KCNQ1OT1: variants seen among roughly 807,000 people sequenced by gnomAD.
KCNQ1OT1 encodes KCNQ1 antisense RNA 2 (non-protein coding).
exon 1 of KCNQ1OT1, chr11:2,635,563 C>G (rs1243606015): frequency 6.6e-6 from 1 of 152,130 alleles, no homozygotes; most frequent in Non-Finnish European, 1.5e-5. Flanking sequence ...GTACCAGTAC[C>G]ATGCTGTTTT....
rs1850480125 is a variant in KCNQ1OT1, at chr11:2,685,882, T to A, written n.14113A>T. ...CCCAGGACTCAGACCACAACTAGAC[T>A]AGGGAAGAACTTGTTCTCCACGGAT... On this transcript the variant is annotated non_coding_transcript_exon_variant, in exon 1 of 1. Coordinates refer to ENST00000597346, the Ensembl canonical transcript of KCNQ1OT1. 1.5e-5 allele frequency: 6 copies of A among 398,558 alleles called. No individual in the cohort carries two copies. The South Asian group carries it at 7.6e-4, about 51-fold the overall frequency. The allele number at this position is 398,558 out of a possible 1,614,324, so 24.7% of individuals were successfully genotyped here. A position where few individuals can be genotyped will look rare whatever the true frequency, so the allele number is the denominator to read the frequency against.
rs1850429895 is a variant in KCNQ1OT1, at chr11:2,683,326, C to G, written n.16669G>C. The G allele has an allele frequency of 2.5e-6, 1 of 398,470 alleles. No individual in the cohort carries two copies. Among genetic ancestry groups the G allele is most frequent in the Non-Finnish European group, 4.4e-6 (1 of 226,076 alleles). 24.7% of individuals were successfully genotyped at this position (398,470 alleles called of 1,614,324 possible). On this transcript the variant is annotated non_coding_transcript_exon_variant, in exon 1 of 1. Coordinates refer to ENST00000597346, the Ensembl canonical transcript of KCNQ1OT1. This position sits in a 1 kb window ranked among gnomAD's most constrained non-coding sequence, Gnocchi z 4.7. ...CCAGACACATAGAGGCCAGGTTTCC[C>G]CCGCTCAACACTAGGCCACTGTGCC...
At position 2,677,846 on chromosome 11, in the gene KCNQ1OT1, C is replaced by T; in HGVS notation, n.22149G>A. 2.5e-6 allele frequency: 1 copy of T among 398,490 alleles called. No individual in the cohort carries two copies. The highest frequency in any genetic ancestry group is 4.4e-6 in the Non-Finnish European group (1 of 226,028). The allele number at this position is 398,490 out of a possible 1,614,324, so 24.7% of individuals were successfully genotyped here. A position where few individuals can be genotyped will look rare whatever the true frequency, so the allele number is the denominator to read the frequency against. On this transcript the variant is annotated non_coding_transcript_exon_variant, in exon 1 of 1. Transcript: ENST00000597346. This position sits in a 1 kb window ranked among gnomAD's most constrained non-coding sequence, Gnocchi z 4.5. The stretch of plus-strand genomic sequence containing the variant: ...TAGATACTGCCAAATAAGGGCTGTA[C>T]CATTTACATCACTTTGACTGCACAA...
exon 1 of KCNQ1OT1, chr11:2,688,333 C>T (rs1850527685): frequency 5.0e-6 from 2 of 398,668 alleles, no homozygotes; most frequent in East Asian, 3.6e-5. Flanking sequence ...ACACAGCTTC[C>T]ATGGGGGTCT....
chr11:2,651,370 G>C lies in KCNQ1OT1; in HGVS notation n.48625C>G. 2.5e-6 allele frequency: 1 copy of C among 398,766 alleles called. No homozygotes were observed. The highest frequency in any genetic ancestry group is 4.4e-5 in the Admixed American group (1 of 22,744). 24.7% of individuals were successfully genotyped at this position (398,766 alleles called of 1,614,324 possible). A position where few individuals can be genotyped will look rare whatever the true frequency, so the allele number is the denominator to read the frequency against. ...GAGCTGGGGTATTTATCTTTCACTAGTGAGTGCTGCCCCGGTGGTGGCTCA... is the reference window on the plus strand; with the variant it reads ...GAGCTGGGGTATTTATCTTTCACTACTGAGTGCTGCCCCGGTGGTGGCTCA... On this transcript the variant is annotated non_coding_transcript_exon_variant, in exon 1 of 1. Coordinates refer to ENST00000597346, the Ensembl canonical transcript of KCNQ1OT1. The surrounding 1 kb of genome is among the most constrained non-coding windows in gnomAD (Gnocchi z 6.1).
In KCNQ1OT1 at chr11:2,695,693, C is replaced by G. The variant is rs549237737; in HGVS notation, n.4302G>C. The G allele has an allele frequency of 4.2e-4, 169 of 398,648 alleles. 1 individual carries two copies. The Middle Eastern group carries it at 5.7e-3, about 13-fold the overall frequency. The allele number at this position is 398,648 out of a possible 1,614,324, so 24.7% of individuals were successfully genotyped here. ...AGAAGTGTTGGCCAGCTCTTCAGAACGTCTGTGCCTGTCTCCGTCCCCACC... is the reference window on the plus strand; with the variant it reads ...AGAAGTGTTGGCCAGCTCTTCAGAAGGTCTGTGCCTGTCTCCGTCCCCACC... On this transcript the variant is annotated non_coding_transcript_exon_variant, in exon 1 of 1. Transcript: ENST00000597346. This position sits in a 1 kb window ranked among gnomAD's most constrained non-coding sequence, Gnocchi z 5.2.
At position 2,657,934 on chromosome 11, in the gene KCNQ1OT1, G is replaced by A. The variant is rs1309419948; in HGVS notation, n.42061C>T. On this transcript the variant is annotated non_coding_transcript_exon_variant, in exon 1 of 1. Transcript: ENST00000597346. This position sits in a 1 kb window ranked among gnomAD's most constrained non-coding sequence, Gnocchi z 4.8. ...CATGACATCAACATGGTTTATCACT[G>A]GTAATATTAACCTTGAGCCACTCGT... 1 of 398,438 alleles carries A rather than the reference G, an allele frequency of 2.5e-6. No homozygotes were observed. Among genetic ancestry groups the A allele is most frequent in the Admixed American group, 4.4e-5 (1 of 22,706 alleles). 24.7% of individuals were successfully genotyped at this position (398,438 alleles called of 1,614,324 possible).
chr11:2,634,089 G>A (rs940752675), exon 1 of KCNQ1OT1: 3 of 395,154 alleles, frequency 7.6e-6, no homozygotes, highest in Non-Finnish European at 1.3e-5. Context: ...TTCCATGCAA[G>A]TTTAAGGATT....
exon 1 of KCNQ1OT1, chr11:2,646,182 A>C: frequency 2.5e-6 from 1 of 398,588 alleles, no homozygotes; most frequent in Non-Finnish European, 4.4e-6. Flanking sequence ...AACTGTGGTT[A>C]CCTACTTGCT....
At position 2,621,145 on chromosome 11, in the gene KCNQ1OT1, T is replaced by A; in HGVS notation, n.78850A>T. 1 of 396,744 alleles carries A rather than the reference T, an allele frequency of 2.5e-6. No individual in the cohort carries two copies. The highest frequency in any genetic ancestry group is 4.4e-6 in the Non-Finnish European group (1 of 225,472). 24.6% of individuals were successfully genotyped at this position (396,744 alleles called of 1,614,324 possible). ...GGTGACCGCCACCATACCTGGCTAA[T>A]TTTTGTGTTTTTAGTAGAGACGGGG... On this transcript the variant is annotated non_coding_transcript_exon_variant, in exon 1 of 1. Transcript: ENST00000597346. This position sits in a 1 kb window ranked among gnomAD's most constrained non-coding sequence, Gnocchi z 5.7.
At chr11:2,634,073 T>C (rs1849408554) in exon 1 of KCNQ1OT1, 1 of 398,542 alleles carries the variant, frequency 2.5e-6, no homozygotes, top group African/African-American at 2.1e-5. Flanking sequence ...TTGTGGTCTT[T>C]TGTGGTTCCA....
In KCNQ1OT1 at chr11:2,695,161, G is replaced by A. The variant is rs1564860989; in HGVS notation, n.4834C>T. 3 of 398,614 alleles carry A rather than the reference G, an allele frequency of 7.5e-6. No individual in the cohort carries two copies. The highest frequency in any genetic ancestry group is 4.4e-6 in the Non-Finnish European group (1 of 226,098). The allele number at this position is 398,614 out of a possible 1,614,324, so 24.7% of individuals were successfully genotyped here. A position where few individuals can be genotyped will look rare whatever the true frequency, so the allele number is the denominator to read the frequency against. ...GTTGGTTCTTGGCTTTTGGGACTCT[G>A]CACAGAGTTGATCACAGCCCTCAGC... On this transcript the variant is annotated non_coding_transcript_exon_variant, in exon 1 of 1. Coordinates refer to ENST00000597346, the Ensembl canonical transcript of KCNQ1OT1. This position sits in a 1 kb window ranked among gnomAD's most constrained non-coding sequence, Gnocchi z 5.2.
exon 1 of KCNQ1OT1, chr11:2,632,699 A>G (rs2133818275): frequency 2.5e-6 from 1 of 398,310 alleles, no homozygotes; most frequent in East Asian, 3.6e-5. Flanking sequence ...TCTGTGCCTA[A>G]TTTCATTTAA....
exon 1 of KCNQ1OT1, chr11:2,660,063 T>C (rs896246793): frequency 1.3e-5 from 5 of 398,366 alleles, no homozygotes; most frequent in Non-Finnish European, 2.2e-5. Flanking sequence ...AATTTGTTGA[T>C]TCTTTTTCTC....
exon 1 of KCNQ1OT1, chr11:2,692,831 C>T: frequency 5.0e-6 from 2 of 398,648 alleles, no homozygotes; most frequent in Non-Finnish European, 8.8e-6. Flanking sequence ...AATGATCATT[C>T]CCCTGCCTGT....
At position 2,687,073 on chromosome 11, in the gene KCNQ1OT1, C is replaced by G. The variant is rs1044380280; in HGVS notation, n.12922G>C. On this transcript the variant is annotated non_coding_transcript_exon_variant, in exon 1 of 1. Coordinates refer to ENST00000597346, the Ensembl canonical transcript of KCNQ1OT1. The surrounding 1 kb of genome is among the most constrained non-coding windows in gnomAD (Gnocchi z 5.0). ...GGGGACAAGGACCCACAAAGTGATG[C>G]AAGATATCCTGAGTTGGGTGTGACA... 10 of 398,536 alleles carry G rather than the reference C, an allele frequency of 2.5e-5. No homozygotes were observed. The highest frequency in any genetic ancestry group is 2.1e-4 in the African/African-American group (10 of 48,626). The allele number at this position is 398,536 out of a possible 1,614,324, so 24.7% of individuals were successfully genotyped here. A position where few individuals can be genotyped will look rare whatever the true frequency, so the allele number is the denominator to read the frequency against.
Position 2,623,881 on chromosome 11 carries a change from T to C in KCNQ1OT1, n.76114A>G. 2.5e-6 allele frequency: 1 copy of C among 398,616 alleles called. No individual in the cohort carries two copies. Among genetic ancestry groups the C allele is most frequent in the Non-Finnish European group, 4.4e-6 (1 of 226,052 alleles). 24.7% of individuals were successfully genotyped at this position (398,616 alleles called of 1,614,324 possible). On this transcript the variant is annotated non_coding_transcript_exon_variant, in exon 1 of 1. Coordinates refer to ENST00000597346, the Ensembl canonical transcript of KCNQ1OT1. The surrounding 1 kb of genome is among the most constrained non-coding windows in gnomAD (Gnocchi z 5.2). ...CTCTGGATTCTTCGGGGGATATGTA[T>C]ACACATTCAGAAGTGGAATTGATGG... is the stretch of plus-strand genomic sequence containing the variant.
chr11:2,614,291 TAG>T (rs749844026), exon 1 of KCNQ1OT1: 3 of 398,488 alleles, frequency 7.5e-6, no homozygotes, highest in Non-Finnish European at 1.3e-5. Flanking sequence ...ACATTTAATA[TAG>T]AGTCTTCTTT....
chr11:2,670,748 A>T lies in KCNQ1OT1; in HGVS notation n.29247T>A, dbSNP rs1590021425. 2.5e-6 allele frequency: 1 copy of T among 398,532 alleles called. No homozygotes were observed. The highest frequency in any genetic ancestry group is 4.4e-6 in the Non-Finnish European group (1 of 226,100). The allele number at this position is 398,532 out of a possible 1,614,324, so 24.7% of individuals were successfully genotyped here. A position where few individuals can be genotyped will look rare whatever the true frequency, so the allele number is the denominator to read the frequency against. On this transcript the variant is annotated non_coding_transcript_exon_variant, in exon 1 of 1. Transcript: ENST00000597346. This position sits in a 1 kb window ranked among gnomAD's most constrained non-coding sequence, Gnocchi z 4.9. ...AACAGTCTGCAGATATTATCTGGGC[A>T]CTGGCCAGTGGCTCTTGTGGCTGCC... is the stretch of plus-strand genomic sequence containing the variant.
Sources: allele counts gnomAD v4.1 joint callset, GRCh38; gene constraint gnomAD v4.1.1; non-coding constraint Gnocchi (gnomAD v3.1); transcripts MANE v1.5; gene names NCBI Gene and HGNC (gene_info 2026-07-23, HGNC 2026-07-21).